Variants in SCFD1 observed in about 807,000 individuals in gnomAD.
SCFD1 encodes the protein sec1 family domain-containing protein 1.
In SCFD1, 37 loss-of-function variants were observed where a neutral mutation model predicts 103.2. The observed-to-expected ratio is 0.36, with a 90% CI of 0.28 to 0.47. The LOEUF (loss-of-function observed/expected upper bound fraction) is 0.47. Ranked by LOEUF, SCFD1 falls within the 20% of genes least tolerant of loss-of-function variation. The pLI, the probability that SCFD1 is intolerant of heterozygous loss-of-function variation, is 1.00. For missense variants in SCFD1, 639 were observed against 761.2 expected (o/e 0.84, Z 1.89); for synonymous variants, 264 against 245.0 (o/e 1.08, Z -0.73).
intron 23 of SCFD1, chr14:30,722,784 T>G (rs1238066873): frequency 1.6e-5 from 5 of 316,338 alleles, no homozygotes; most frequent in Non-Finnish European, 2.9e-5. Flanking sequence ...CTTATTGATA[T>G]AATGCACTTT....
intron 1 of SCFD1, among the ~76,000 whole-genome samples, chr14:30,625,862 C>T (rs1180753527): frequency 6.6e-6 from 1 of 152,108 alleles, no homozygotes; most frequent in Non-Finnish European, 1.5e-5. Flanking sequence ...TTTGCTGCTG[C>T]TGGCCTCTTT....
chr14:30,633,835 A>C, intron 3 of SCFD1, 112 bp from the exon 4 acceptor site: 13 of 518,034 alleles, frequency 2.5e-5, no homozygotes, highest in Admixed American at 3.6e-5. Flanking sequence ...AATTGCAACA[A>C]GAGCTTTTAG....
intron 10 of SCFD1, among the ~76,000 whole-genome samples, chr14:30,667,641 G>T (rs1594653088): frequency 6.6e-6 from 1 of 152,184 alleles, no homozygotes; most frequent in Non-Finnish European, 1.5e-5. Context: ...TGACATGATT[G>T]TATATTTAGA....
intron 10 of SCFD1, among the ~76,000 whole-genome samples, chr14:30,659,759 T>C (rs1229080699): frequency 6.8e-6 from 1 of 146,286 alleles, no homozygotes; most frequent in Non-Finnish European, 1.5e-5. Context: ...TGGCATAAAA[T>C]AATAAAGATT....
chr14:30,630,741 G>T (rs1449848435), intron 3 of SCFD1, 176 bp downstream of exon 3: 2 of 511,278 alleles, frequency 3.9e-6, no homozygotes, highest in Non-Finnish European at 6.8e-6. Flanking sequence ...TATAATTTCA[G>T]AATTTAAATT....
chr14:30,644,355 C>T lies in SCFD1; in HGVS notation c.613+950C>T, dbSNP rs548524580. Among the ~76,000 whole-genome samples the T allele has an allele frequency of 3.3e-5, 5 of 152,242 alleles. No homozygotes were observed. In the South Asian group the frequency reaches 8.3e-4, roughly 25 times the overall value. On this transcript the variant is annotated intron_variant, in intron 7 of 24. Coordinates refer to ENST00000458591, the MANE Select transcript of SCFD1 (RefSeq NM_016106.4). ...CGTAGAATGAGTTATATTCTTTTGG[C>T]TGTATACCCAGTAATGGGATTGCTG...
Position 30,723,019 on chromosome 14 carries a change from A to G in SCFD1, c.1836+460A>G, listed in dbSNP as rs533439587. Among the ~76,000 whole-genome samples the G allele has an allele frequency of 5.9e-5, 9 of 152,310 alleles. No homozygotes were observed. The East Asian group carries it at 1.3e-3, about 23-fold the overall frequency. On this transcript the variant is annotated intron_variant, in intron 23 of 24. Coordinates refer to ENST00000458591, the MANE Select transcript of SCFD1 (RefSeq NM_016106.4). Reference sequence around the variant, plus strand: ...AGAGGTAGCAAATGAAAGGGAGTGCAGGGAGTAGCAGACAGCTAAGCAAAA... The same window carrying G: ...AGAGGTAGCAAATGAAAGGGAGTGCGGGGAGTAGCAGACAGCTAAGCAAAA...
chr14:30,684,374 A>G (rs981456371), intron 14 of SCFD1, among the ~76,000 whole-genome samples: 3 of 152,218 alleles, frequency 2.0e-5, no homozygotes, highest in Non-Finnish European at 4.4e-5. Flanking sequence ...CTAGTTTTAG[A>G]AAGTGCTCCC....
At chr14:30,669,749 A>G (rs1888368724) in intron 10 of SCFD1, 1 of 152,488 alleles carries the variant, frequency 6.6e-6, no homozygotes, top group Admixed American at 6.6e-5. Flanking sequence ...TTGACTCTCT[A>G]AGAGTTTAAA....
intron 14 of SCFD1, among the ~76,000 whole-genome samples, chr14:30,678,319 C>G (rs965635442): frequency 6.6e-6 from 1 of 152,032 alleles, no homozygotes; most frequent in South Asian, 2.1e-4. Flanking sequence ...GCAGTTACCC[C>G]GCAATTGATG....
intron 21 of SCFD1, among the ~76,000 whole-genome samples, chr14:30,721,393 A>G (rs1892640492): frequency 6.6e-6 from 1 of 152,146 alleles, no homozygotes; most frequent in Non-Finnish European, 1.5e-5. Flanking sequence ...GATCTTTAAT[A>G]AATAAGCTAC....
rs551506629 is a variant in SCFD1 at position 30,670,295 on chromosome 14, G to C, written c.895G>C (p.Gly299Arg). 3 of 1,596,990 alleles carry C rather than the reference G, an allele frequency of 1.9e-6. No homozygotes were observed. Among genetic ancestry groups the C allele is most frequent in the East Asian group, 2.2e-5 (1 of 44,456 alleles). The change falls in exon 11 of 25, where the codon GGA becomes CGA. Residue 299 changes from glycine (G) to arginine (R), a missense_variant. Gly to Arg is a moderately radical substitution (Grantham distance 125, BLOSUM62 -2). Coordinates refer to ENST00000458591, the MANE Select transcript of SCFD1 (RefSeq NM_016106.4). ...CAGGGTTAATTTGGAAGAATCTTCA[G>C]GAGTGGAAAACTCTCCAGCTGGTGC... ...LNRVNLEESS[G>R]VENSPAGARP...
intron 10 of SCFD1, among the ~76,000 whole-genome samples, chr14:30,657,376 G>C (rs1361645083): frequency 6.6e-6 from 1 of 152,178 alleles, no homozygotes; most frequent in Non-Finnish European, 1.5e-5. Flanking sequence ...ACTGGTCCTT[G>C]ATGAGGTTTT....
intron 14 of SCFD1, among the ~76,000 whole-genome samples, chr14:30,691,486 A>T (rs1890295802): frequency 6.6e-6 from 1 of 152,136 alleles, no homozygotes; most frequent in African/African-American, 2.4e-5. Context: ...CCTTGAAGAG[A>T]TACTAGTTCT....
At chr14:30,641,331 A>G (rs531303400) in intron 6 of SCFD1, among the ~76,000 whole-genome samples, 82 of 152,166 alleles carry the variant, frequency 5.4e-4, no homozygotes, top group Non-Finnish European at 7.6e-4. Flanking sequence ...TAAGGCTGCT[A>G]TCTTAGACAA....
At chr14:30,728,838 C>CTTTTTT (rs367747323) in intron 23 of SCFD1, among the ~76,000 whole-genome samples, 1 of 131,730 alleles carries the variant, frequency 7.6e-6, no homozygotes, top group Non-Finnish European at 1.6e-5. Flanking sequence ...TCCTTTGTCC[C>CTTTTTT]TTTTTTTTTT....
intron 7 of SCFD1, among the ~76,000 whole-genome samples, chr14:30,646,014 T>G (rs2139077004): frequency 6.6e-6 from 1 of 152,072 alleles, no homozygotes; most frequent in African/African-American, 2.4e-5. Context: ...TTGTTGAGGG[T>G]TTTTTTGTGT....
intron 7 of SCFD1, among the ~76,000 whole-genome samples, chr14:30,647,272 A>C (rs1011715454): frequency 6.6e-6 from 1 of 152,190 alleles, no homozygotes; most frequent in African/African-American, 2.4e-5. Flanking sequence ...AAAAATTAAG[A>C]ACTACCATGT....
chr14:30,646,145 C>T (rs2139077828), intron 7 of SCFD1, among the ~76,000 whole-genome samples: 1 of 152,272 alleles, frequency 6.6e-6, no homozygotes, highest in East Asian at 1.9e-4. Flanking sequence ...GCCTCAGCCT[C>T]CCGAGTAGCT....
Sources: gnomAD v4.1 joint callset for allele counts (sites outside exome capture counted in the v4.1 genomes callset) on GRCh38, gnomAD v4.1.1 for gene constraint, MANE v1.5 for transcripts, NCBI Gene and HGNC (gene_info 2026-07-23, HGNC 2026-07-21) for gene names.